XIRP2: variants seen among roughly 807,000 people sequenced by gnomAD.
The protein encoded by XIRP2 is xin actin binding repeat containing 2, also known as xin actin-binding repeat-containing protein 2.
A neutral mutation model predicts 277.0 loss-of-function variants in XIRP2; 236 were observed. The ratio of observed to expected loss-of-function variants is 0.85; its 90% CI spans 0.77 to 0.95. The LOEUF (loss-of-function observed/expected upper bound fraction) is 0.95, where lower values mean the gene tolerates loss of function less well. XIRP2 is among the 40% of genes least tolerant of loss of function. The pLI is 0.00. For synonymous variants in XIRP2, 1,490 were observed against 1,416.5 expected, an observed-to-expected ratio of 1.05 and a Z score of -1.17; for missense variants, 4,640 against 4,157.5, an observed-to-expected ratio of 1.12 and a Z score of -3.19.
chr2:166,909,366 C>G (rs1684633171), intron 2 of XIRP2, among the ~76,000 whole-genome samples: 1 of 152,108 alleles, frequency 6.6e-6, no homozygotes, highest in African/African-American at 2.4e-5. Flanking sequence ...GTATTTTATT[C>G]TCTTTGAAGC....
intron 2 of XIRP2, among the ~76,000 whole-genome samples, chr2:166,984,844 C>A (rs1055850791): frequency 2.0e-5 from 3 of 152,174 alleles, no homozygotes; most frequent in Non-Finnish European, 4.4e-5. Context: ...TAGGCAGATG[C>A]CAGGGCACTC....
chr2:166,895,446 G>A (rs962817922), intron 1 of XIRP2, among the ~76,000 whole-genome samples: 2 of 152,128 alleles, frequency 1.3e-5, no homozygotes, highest in African/African-American at 4.8e-5. Flanking sequence ...TCCCCCAGGT[G>A]GATAAATAAG....
intron 5 of XIRP2, among the ~76,000 whole-genome samples, chr2:167,239,187 CA>C (rs937365304): frequency 4.0e-5 from 6 of 151,650 alleles, no homozygotes; most frequent in Non-Finnish European, 4.4e-5. Context: ...TTGTAAACAA[CA>C]AAAAAAATAC....
chr2:167,118,175 A>G (rs896444951), intron 2 of XIRP2, among the ~76,000 whole-genome samples: 4 of 152,186 alleles, frequency 2.6e-5, no homozygotes, highest in East Asian at 1.9e-4. Context: ...TTATGAATCA[A>G]TTAATTATAA....
At chr2:166,965,680 C>T (rs1686412133) in intron 2 of XIRP2, among the ~76,000 whole-genome samples, 1 of 151,868 alleles carries the variant, frequency 6.6e-6, no homozygotes, top group South Asian at 2.1e-4. Context: ...ACCATGTAGA[C>T]TCAAGCAATC....
intron 2 of XIRP2, among the ~76,000 whole-genome samples, chr2:167,039,690 C>G (rs1400713630): frequency 6.6e-6 from 1 of 152,076 alleles, no homozygotes; most frequent in Non-Finnish European, 1.5e-5. Context: ...TTTGGCAGGT[C>G]TTATACAATG....
chr2:166,926,111 T>A (rs560520402), intron 2 of XIRP2, among the ~76,000 whole-genome samples: 1 of 152,062 alleles, frequency 6.6e-6, no homozygotes, highest in South Asian at 2.1e-4. Context: ...ACCCTGCACC[T>A]TTGACAATCA....
In XIRP2 at chr2:167,247,667, A is replaced by G. The variant is rs1361342738; in HGVS notation, c.6275A>G (p.Asn2092Ser). The change falls in exon 9 of 11, where the codon AAT (asparagine) becomes AGT (serine). Residue 2092 changes from asparagine (N) to serine (S), a missense_variant. Coordinates refer to ENST00000409195, the MANE Select transcript of XIRP2 (RefSeq NM_152381.6). ...ACTTCAACTGTGTCAGTTAAGAATA[A>G]TCTAACAACTAAAGAATCAGACAGG... The part of the protein sequence containing the change: ...QLTSTVSVKN[N>S]LTTKESDRAV... 2 of 1,613,658 alleles carry G rather than the reference A, an allele frequency of 1.2e-6. No homozygotes were observed. The highest frequency in any genetic ancestry group is 1.7e-6 in the Non-Finnish European group (2 of 1,179,754).
At position 167,213,194 on chromosome 2, in the gene XIRP2, C is replaced by G. The variant is rs1694108773; in HGVS notation, c.723+2299C>G. ...CCCTAAAAGAGAGGGAGAAGTAACA[C>G]TTGTTGAGCAATGAATTAAAATGCC... is the stretch of plus-strand genomic sequence containing the variant. On this transcript the variant is annotated intron_variant, in intron 4 of 10. Coordinates refer to ENST00000409195, the MANE Select transcript of XIRP2 (RefSeq NM_152381.6). Among the ~76,000 whole-genome samples the G allele has an allele frequency of 2.0e-5, 3 of 152,122 alleles. No individual in the cohort carries two copies. In the South Asian group the frequency reaches 6.2e-4, roughly 31 times the overall value.
At chr2:167,080,438 A>G (rs971059872) in intron 2 of XIRP2, among the ~76,000 whole-genome samples, 7 of 152,174 alleles carry the variant, frequency 4.6e-5, no homozygotes, top group African/African-American at 1.7e-4. Flanking sequence ...AGCAAACACT[A>G]ATGCCAGAGC....
chr2:167,193,859 C>T (rs1693420795), intron 3 of XIRP2, among the ~76,000 whole-genome samples: 3 of 125,982 alleles, frequency 2.4e-5, no homozygotes, highest in Admixed American at 1.9e-4. Flanking sequence ...GCCTGGGTGA[C>T]ACAGTATGAG....
intron 2 of XIRP2, among the ~76,000 whole-genome samples, chr2:166,940,559 T>C (rs1685676917): frequency 2.6e-5 from 4 of 152,184 alleles, no homozygotes; most frequent in Middle Eastern, 3.2e-3. Flanking sequence ...GCTCTGTTTT[T>C]CCCCCATCTT....
intron 3 of XIRP2, among the ~76,000 whole-genome samples, chr2:167,189,462 T>A (rs1693260384): frequency 6.6e-6 from 1 of 152,232 alleles, no homozygotes; most frequent in Admixed American, 6.5e-5. Context: ...CATTATATTG[T>A]CTTTTTTATT....
At chr2:167,254,241 A>T in intron 10 of XIRP2, 76 bp downstream of exon 10, 2 of 1,378,818 alleles carry the variant, frequency 1.5e-6, no homozygotes, top group Non-Finnish European at 9.5e-7. Context: ...CTCTAGGAGG[A>T]TGCACATTTT....
chr2:167,105,269 A>G (rs1690587908), intron 2 of XIRP2, among the ~76,000 whole-genome samples: 1 of 151,938 alleles, frequency 6.6e-6, no homozygotes, highest in African/African-American at 2.4e-5. Flanking sequence ...CCATCACCAC[A>G]TAGATCCTTC....
intron 2 of XIRP2, among the ~76,000 whole-genome samples, chr2:166,921,350 G>A (rs1685033634): frequency 6.6e-6 from 1 of 151,974 alleles, no homozygotes; most frequent in African/African-American, 2.4e-5. Context: ...GAATTCTTAT[G>A]GCTTCATATC....
chr2:167,099,509 G>C (rs1382918187), intron 2 of XIRP2, among the ~76,000 whole-genome samples: 3 of 152,100 alleles, frequency 2.0e-5, no homozygotes, highest in Admixed American at 6.5e-5. Flanking sequence ...CCCTTTCCAG[G>C]AGAGTGAACA....
intron 3 of XIRP2, among the ~76,000 whole-genome samples, chr2:167,175,901 G>A (rs74189471): frequency 0.067 from 10,242 of 152,196 alleles, 438 homozygotes; most frequent in South Asian, 0.15. Context: ...GGTACCCAGC[G>A]GCTTTGTTTA....
intron 3 of XIRP2, among the ~76,000 whole-genome samples, chr2:167,154,768 A>C (rs1021836092): frequency 5.9e-5 from 9 of 152,136 alleles, no homozygotes; most frequent in Non-Finnish European, 1.2e-4. Context: ...AAGGAAATAG[A>C]GACACAAAAA....
Sources: allele counts gnomAD v4.1 joint callset (sites outside exome capture counted in the v4.1 genomes callset), GRCh38; gene constraint gnomAD v4.1.1; transcripts MANE v1.5; gene names NCBI Gene and HGNC (gene_info 2026-07-23, HGNC 2026-07-21).